AGBL1: variants seen among roughly 807,000 people sequenced by gnomAD.
The protein encoded by AGBL1 is AGBL carboxypeptidase 1, also known as cytosolic carboxypeptidase 4.
A neutral mutation model predicts 118.9 loss-of-function variants in AGBL1; 130 were observed. The ratio of observed to expected loss-of-function variants is 1.09; its 90% confidence interval spans 0.95 to 1.26. The LOEUF is 1.26. AGBL1 is among the 50% of genes most tolerant of loss of function. AGBL1 has a pLI of 0.00. For synonymous variants in AGBL1, 555 were observed against 478.9 expected (o/e 1.16, Z -2.08); for missense variants, 1,584 against 1,298.1 (o/e 1.22, Z -3.38).
At position 86,613,764 on chromosome 15, in the gene AGBL1, C is replaced by G. The variant is rs1391298970; in HGVS notation, c.2994+59227C>G. ...CAGCATCATCTCCATCACCAGGGAGCTTGTTAGAAATGCAGAATTTCAGAC... is the reference window on the plus strand; with the variant it reads ...CAGCATCATCTCCATCACCAGGGAGGTTGTTAGAAATGCAGAATTTCAGAC... On this transcript the variant is annotated intron_variant, in intron 21 of 22. Transcript: ENST00000614907. The surrounding 1 kb of genome is among the most constrained non-coding windows in gnomAD (Gnocchi z 4.2). Among the ~76,000 whole-genome samples the G allele has an allele frequency of 6.6e-6, 1 of 152,186 alleles. No homozygotes were observed. Among genetic ancestry groups the G allele is most frequent in the Admixed American group, 6.5e-5 (1 of 15,270 alleles).
intron 5 of AGBL1, among the ~76,000 whole-genome samples, chr15:86,162,276 A>G (rs2077277514): frequency 6.6e-6 from 1 of 152,040 alleles, no homozygotes; most frequent in Non-Finnish European, 1.5e-5. Flanking sequence ...GCTATGGGAG[A>G]GTTATTCCGG....
At chr15:86,170,716 C>T (rs557486374) in intron 5 of AGBL1, among the ~76,000 whole-genome samples, 30 of 151,838 alleles carry the variant, frequency 2.0e-4, no homozygotes, top group African/African-American at 6.5e-4. Context: ...CATGGTGGCT[C>T]ATGCCTGTAA....
At chr15:86,093,623 A>G (rs1336724093) in intron 1 of AGBL1, among the ~76,000 whole-genome samples, 1 of 152,202 alleles carries the variant, frequency 6.6e-6, no homozygotes, top group Non-Finnish European at 1.5e-5. Flanking sequence ...ACTAAAAAAT[A>G]AAAGAACCAA....
intron 22 of AGBL1, among the ~76,000 whole-genome samples, chr15:86,809,332 C>G (rs149207313): frequency 1.4e-3 from 212 of 152,244 alleles, no homozygotes; most frequent in Non-Finnish European, 2.5e-3. Context: ...GAAAGTCTTA[C>G]TTTGATGACT....
At position 86,909,434 on chromosome 15, in the gene AGBL1, C is replaced by T. The variant is rs1184303878; in HGVS notation, c.*2140C>T. 1.3e-5 allele frequency: 2 copies of T among 152,302 alleles called. No homozygotes were observed. Among genetic ancestry groups the T allele is most frequent in the East Asian group, 1.9e-4 (1 of 5,186 alleles). The allele number at this position is 152,302 out of a possible 1,614,324, so 9.4% of individuals were successfully genotyped here. A position where few individuals can be genotyped will look rare whatever the true frequency, so the allele number is the denominator to read the frequency against. On this transcript the variant is annotated 3_prime_UTR_variant, in exon 23 of 23. Coordinates refer to ENST00000614907, the MANE Select transcript of AGBL1 (RefSeq NM_001386094.1). ...CCACAGAACAAAACAGGATTAGCTC[C>T]AAGGCATAGAAGAAAGGCATCTGTG...
At chr15:86,678,528 T>G (rs962548045) in intron 22 of AGBL1, among the ~76,000 whole-genome samples, 1 of 152,166 alleles carries the variant, frequency 6.6e-6, no homozygotes, top group African/African-American at 2.4e-5. Flanking sequence ...TTTTAATTTC[T>G]GTGTTAAAGG....
At chr15:87,030,780 A>G (rs1006337690), downstream of AGBL1, among the ~76,000 whole-genome samples, 3 of 151,964 alleles carry the variant, frequency 2.0e-5, no homozygotes, top group Non-Finnish European at 2.9e-5. Context: ...TCCATTAGAA[A>G]GCTATCCCAG....
intron 22 of AGBL1, among the ~76,000 whole-genome samples, chr15:86,881,781 G>C (rs575002036): frequency 6.6e-6 from 1 of 152,244 alleles, no homozygotes; most frequent in African/African-American, 2.4e-5. Flanking sequence ...GATTACAGCT[G>C]TGTGCCACCA....
intron 22 of AGBL1, among the ~76,000 whole-genome samples, chr15:86,709,320 T>C (rs1020447492): frequency 1.4e-5 from 2 of 141,420 alleles, no homozygotes; most frequent in Admixed American, 7.4e-5. Context: ...TATTTCCTAC[T>C]TGTCTTATGT....
intron 14 of AGBL1, 86 bp downstream of exon 14, chr15:86,270,153 G>T: frequency 1.3e-6 from 2 of 1,482,976 alleles, no homozygotes; most frequent in South Asian, 1.4e-5. Context: ...GCCTTTGCTT[G>T]GGTTCAGAGG....
chr15:86,467,528 A>T (rs1325542328), intron 18 of AGBL1, among the ~76,000 whole-genome samples: 1 of 152,072 alleles, frequency 6.6e-6, no homozygotes, highest in Non-Finnish European at 1.5e-5. Flanking sequence ...ATGAATAAAA[A>T]ACTCCTGCAG....
At chr15:86,772,170 A>G (rs2078191537) in intron 22 of AGBL1, among the ~76,000 whole-genome samples, 1 of 151,940 alleles carries the variant, frequency 6.6e-6, no homozygotes, top group African/African-American at 2.4e-5. Context: ...CTCTATTATT[A>G]GTCTTTGAAA....
At position 86,668,827 on chromosome 15, in the gene AGBL1, C is replaced by T. The variant is rs115620991; in HGVS notation, c.2995-5446C>T. ...AGTAAGACCGCAATCTGCAAAGGGA[C>T]AATGTGGGCATATTTGACTTTCTTG... On this transcript the variant is annotated intron_variant, in intron 21 of 22. Coordinates refer to ENST00000614907, the MANE Select transcript of AGBL1 (RefSeq NM_001386094.1). Among the ~76,000 whole-genome samples, 1,021 of 152,254 alleles carry T rather than the reference C, an allele frequency of 6.7e-3. 8 individuals carry two copies. Among genetic ancestry groups the T allele is most frequent in the East Asian group, 0.021 (108 of 5,174 alleles).
intron 20 of AGBL1, among the ~76,000 whole-genome samples, chr15:86,551,277 A>G (rs1242436811): frequency 6.6e-6 from 1 of 152,132 alleles, no homozygotes; most frequent in African/African-American, 2.4e-5. Flanking sequence ...ATCCATAAAG[A>G]ACATGCTTTT....
At chr15:86,695,152 A>G (rs2086234768) in intron 22 of AGBL1, among the ~76,000 whole-genome samples, 2 of 152,020 alleles carry the variant, frequency 1.3e-5, no homozygotes, top group African/African-American at 4.8e-5. Flanking sequence ...GTTGTGGAAT[A>G]GTGTCAATAG....
chr15:86,080,134 T>C, intron 1 of AGBL1, 111 bp downstream of exon 1: 1 of 834,072 alleles, frequency 1.2e-6, no homozygotes, highest in East Asian at 3.3e-5. Context: ...GCCCAGTTTG[T>C]TAACAGCAAG....
intron 22 of AGBL1, among the ~76,000 whole-genome samples, chr15:86,699,087 C>A (rs943247866): frequency 2.0e-5 from 3 of 151,892 alleles, no homozygotes; most frequent in African/African-American, 7.2e-5. Flanking sequence ...TCTCAGGTAA[C>A]ATGCCTTTCA....
At chr15:86,439,086 G>A (rs1161852843) in intron 18 of AGBL1, among the ~76,000 whole-genome samples, 1 of 152,134 alleles carries the variant, frequency 6.6e-6, no homozygotes, top group Non-Finnish European at 1.5e-5. Context: ...GCTGATGGGT[G>A]GAAGAGTCCC....
At chr15:86,942,020 G>C (rs887433495) in intron 23 of AGBL1, among the ~76,000 whole-genome samples, 1 of 152,188 alleles carries the variant, frequency 6.6e-6, no homozygotes, top group Non-Finnish European at 1.5e-5. Flanking sequence ...CATCCAACTC[G>C]AACCAGGCAA....
Sources: gnomAD v4.1 joint callset for allele counts (sites outside exome capture counted in the v4.1 genomes callset) on GRCh38, gnomAD v4.1.1 for gene constraint, Gnocchi (gnomAD v3.1) non-coding constraint, MANE v1.5 for transcripts, NCBI Gene and HGNC (gene_info 2026-07-23, HGNC 2026-07-21) for gene names.